Variants in RAI1 observed in about 807,000 individuals in gnomAD.
RAI1 encodes retinoic acid-induced protein 1.
A neutral mutation model predicts 123.8 loss-of-function variants in RAI1; 9 were observed. The ratio of observed to expected loss-of-function variants is 0.07; its 90% CI spans 0.04 to 0.13. The LOEUF (loss-of-function observed/expected upper bound fraction) is 0.13. Ranked by LOEUF, RAI1 falls within the 10% of genes least tolerant of loss-of-function variation. The pLI, the probability that RAI1 is intolerant of heterozygous loss-of-function variation, is 1.00. For missense variants in RAI1, 2,256 were observed against 2,545.8 expected (o/e 0.89, Z 2.45); for synonymous variants, 1,231 against 1,127.3 (o/e 1.09, Z -1.84).
intron 1 of RAI1, among the ~76,000 whole-genome samples, chr17:17,721,804 A>G (rs928389256): frequency 6.6e-6 from 1 of 152,172 alleles, no homozygotes; most frequent in Non-Finnish European, 1.5e-5. Flanking sequence ...CTGACATTTT[A>G]AATATGGGGA....
intron 1 of RAI1, among the ~76,000 whole-genome samples, chr17:17,706,958 T>C (rs1287079889): frequency 1.3e-5 from 2 of 152,180 alleles, no homozygotes; most frequent in African/African-American, 4.8e-5. Context: ...TGCCCATGGG[T>C]GAGCAGACAG....
intron 1 of RAI1, among the ~76,000 whole-genome samples, chr17:17,699,737 C>G (rs895877952): frequency 6.6e-6 from 1 of 152,182 alleles, no homozygotes; most frequent in Admixed American, 6.5e-5. Context: ...TTCCCCCGGC[C>G]ACAGTTGGTG....
intron 2 of RAI1, among the ~76,000 whole-genome samples, chr17:17,792,436 C>T (rs1242935470): frequency 2.6e-5 from 4 of 152,116 alleles, no homozygotes; most frequent in South Asian, 2.1e-4. Flanking sequence ...TGCTTGAACA[C>T]GGTCGCGAAG....
At chr17:17,778,803 A>C (rs970588593) in intron 2 of RAI1, 11 of 456,630 alleles carry the variant, frequency 2.4e-5, no homozygotes, top group African/African-American at 2.0e-4. Flanking sequence ...GGGCCAGGCC[A>C]AGCTAGCTAT....
At chr17:17,752,907 C>G (rs2030269388) in intron 2 of RAI1, among the ~76,000 whole-genome samples, 1 of 152,218 alleles carries the variant, frequency 6.6e-6, no homozygotes, top group Non-Finnish European at 1.5e-5. Context: ...AGGGCAGGGC[C>G]CTGTCTGTGG....
chr17:17,768,413 G>A (rs1025554930), intron 2 of RAI1, among the ~76,000 whole-genome samples: 10 of 152,190 alleles, frequency 6.6e-5, no homozygotes, highest in African/African-American at 2.4e-4. Context: ...TTAATCCCTA[G>A]GGCAGACTGG....
intron 1 of RAI1, among the ~76,000 whole-genome samples, chr17:17,722,288 C>A (rs1915905046): frequency 2.0e-5 from 3 of 152,184 alleles, no homozygotes; most frequent in African/African-American, 2.4e-5. Context: ...TGAATGAATG[C>A]ATGCGTGGGC....
At chr17:17,697,845 GTTCT>G (rs1403078300) in intron 1 of RAI1, among the ~76,000 whole-genome samples, 7 of 152,222 alleles carry the variant, frequency 4.6e-5, no homozygotes, top group Non-Finnish European at 1.5e-5. Flanking sequence ...CAGGTCACAC[GTTCT>G]TTGTGTGTTG....
rs556518229 is a variant in RAI1, at chr17:17,800,994, T to C, written c.5565+2481T>C. Among the ~76,000 whole-genome samples, 16 of 152,164 alleles carry C rather than the reference T, an allele frequency of 1.1e-4. No homozygotes were observed. The South Asian group carries it at 3.3e-3, about 32-fold the overall frequency. ...TGGATCATGTGGGACCTGCCTGGCA[T>C]GTGGAAGGGGCTTGGGGTGCAGCTG... On this transcript the variant is annotated intron_variant, in intron 3 of 5. Transcript: ENST00000353383. This position sits in a 1 kb window ranked among gnomAD's most constrained non-coding sequence, Gnocchi z 4.7.
chr17:17,683,307 C>G (rs552530157), intron 1 of RAI1, among the ~76,000 whole-genome samples: 50 of 152,228 alleles, frequency 3.3e-4, no homozygotes, highest in African/African-American at 1.1e-3. Flanking sequence ...ATGGGAGCCC[C>G]GAGCTGGGGG....
At chr17:17,702,403 C>G (rs367946811) in intron 1 of RAI1, among the ~76,000 whole-genome samples, 1 of 152,208 alleles carries the variant, frequency 6.6e-6, no homozygotes, top group Admixed American at 6.5e-5. Context: ...GGCCAAGCCT[C>G]GGATGATGAT....
intron 1 of RAI1, among the ~76,000 whole-genome samples, chr17:17,719,132 C>G (rs960400320): frequency 6.6e-6 from 1 of 152,302 alleles, no homozygotes; most frequent in African/African-American, 2.4e-5. Context: ...CTTCTGTGCT[C>G]CTGCCCTGGC....
intron 2 of RAI1, chr17:17,782,155 C>G (rs1298504196): frequency 6.6e-6 from 1 of 151,256 alleles, no homozygotes; most frequent in Non-Finnish European, 1.5e-5. Context: ...GTGCGATGCC[C>G]GCGCAGGGGC....
At chr17:17,745,796 C>T (rs2029890657) in intron 2 of RAI1, among the ~76,000 whole-genome samples, 2 of 152,146 alleles carry the variant, frequency 1.3e-5, no homozygotes, top group Admixed American at 6.5e-5. Context: ...CAGGGTGTAC[C>T]CGGGGGGCTT....
intron 1 of RAI1, among the ~76,000 whole-genome samples, chr17:17,709,757 CTG>C (rs200809993): frequency 2.6e-5 from 4 of 152,156 alleles, no homozygotes; most frequent in African/African-American, 7.2e-5. Context: ...GAGCTTTCCT[CTG>C]AACCTTAAGG....
intron 2 of RAI1, among the ~76,000 whole-genome samples, chr17:17,790,553 A>G (rs2031976017): frequency 6.6e-6 from 1 of 152,134 alleles, no homozygotes; most frequent in Non-Finnish European, 1.5e-5. Context: ...TACTGGTAAT[A>G]GCACCCCCTC....
rs1020983976 is a variant in RAI1 at position 17,811,235 on chromosome 17, G to GTA, written c.*1262_*1263dup. On this transcript the variant is annotated 3_prime_UTR_variant, in exon 6 of 6. Coordinates refer to ENST00000353383, the MANE Select transcript of RAI1 (RefSeq NM_030665.4). ...ATTATATCTGGCCTCGTTATATAGT[G>GTA]TATATATATGTATACATATACATAT... 1.5e-5 allele frequency: 5 copies of GTA among 336,674 alleles called. No individual in the cohort carries two copies. The highest frequency in any genetic ancestry group is 8.9e-5 in the East Asian group (1 of 11,222). The allele number at this position is 336,674 out of a possible 1,614,324, so 20.9% of individuals were successfully genotyped here.
chr17:17,801,943 AC>A lies in RAI1; in HGVS notation c.5566-1812del. ...CATGAGGCTTCCAGCCATGCCTGGC[AC>A]ATAGGAAGCTATTGTCGTTTGTTTC... On this transcript the variant is annotated intron_variant, in intron 3 of 5. Transcript: ENST00000353383. This position sits in a 1 kb window ranked among gnomAD's most constrained non-coding sequence, Gnocchi z 4.1. 2.5e-6 allele frequency: 1 copy of A among 405,098 alleles called. No homozygotes were observed. The highest frequency in any genetic ancestry group is 5.0e-6 in the Non-Finnish European group (1 of 199,690). The allele number at this position is 405,098 out of a possible 1,614,324, so 25.1% of individuals were successfully genotyped here. A position where few individuals can be genotyped will look rare whatever the true frequency, so the allele number is the denominator to read the frequency against.
rs534806663 is a variant in RAI1, at chr17:17,750,709, A to C, written c.-17+26550A>C. The stretch of plus-strand genomic sequence containing the variant: ...CGTCTCAAAAAAAAAAAAAAAAAAA[A>C]AAAAGAAAAGAAACACATGATGGGT... On this transcript the variant is annotated intron_variant, in intron 2 of 5. Coordinates refer to ENST00000353383, the MANE Select transcript of RAI1 (RefSeq NM_030665.4). 2.0e-5 allele frequency among the ~76,000 whole-genome samples: 3 copies of C among 151,376 alleles called. No individual in the cohort carries two copies. The East Asian group carries it at 5.8e-4, about 29-fold the overall frequency.
Sources: allele counts gnomAD v4.1 joint callset (sites outside exome capture counted in the v4.1 genomes callset), GRCh38; gene constraint gnomAD v4.1.1; non-coding constraint Gnocchi (gnomAD v3.1); transcripts MANE v1.5; gene names NCBI Gene and HGNC (gene_info 2026-07-23, HGNC 2026-07-21).